Variants in TEX14 observed in about 807,000 individuals in gnomAD.
TEX14 encodes the protein inactive serine/threonine-protein kinase TEX14.
A neutral mutation model predicts 178.6 loss-of-function variants in TEX14; 168 were observed. That is an observed-to-expected ratio of 0.94 (90% CI 0.83 to 1.07). TEX14 has a LOEUF of 1.07. TEX14 is among the 50% of genes least tolerant of loss of function. TEX14 has a pLI of 0.00. For missense variants in TEX14, 1,730 were observed against 1,753.6 expected (o/e 0.99, Z 0.24); for synonymous variants, 626 against 634.1 (o/e 0.99, Z 0.19).
rs1322512372 is a variant in TEX14 at position 58,565,582 on chromosome 17, G to A, written c.3964+165C>T. Among the ~76,000 whole-genome samples the A allele has an allele frequency of 2.0e-5, 3 of 152,178 alleles. No homozygotes were observed. The East Asian group carries it at 5.8e-4, about 29-fold the overall frequency. ...CCCCATTTTACAGATTAAGACGACT[G>A]AGGCTCAGAAACAGTAAAACAGCTT... On this transcript the variant is annotated intron_variant, in intron 27 of 31. Coordinates refer to ENST00000349033, the MANE Select transcript of TEX14 (RefSeq NM_031272.5).
chr17:58,659,127 T>C (rs2047038197), intron 1 of TEX14, among the ~76,000 whole-genome samples: 1 of 150,838 alleles, frequency 6.6e-6, no homozygotes, highest in Non-Finnish European at 1.5e-5. Flanking sequence ...ACAAGCCGTC[T>C]TTTAAACTAG....
intron 5 of TEX14, among the ~76,000 whole-genome samples, chr17:58,618,554 A>G (rs567923026): frequency 6.6e-6 from 1 of 152,242 alleles, no homozygotes; most frequent in Non-Finnish European, 1.5e-5. Flanking sequence ...GTAGGTGCTC[A>G]GTTAATGCTT....
Position 58,569,243 on chromosome 17 carries a change from G to A in TEX14, c.3835C>T (p.His1279Tyr). The change falls in exon 26 of 32, where the codon CAT becomes TAT. Residue 1279 changes from histidine (H) to tyrosine (Y), a missense_variant. Physicochemically the swap from His to Tyr is moderately conservative, Grantham distance 83. Transcript: ENST00000349033. This position sits in a 1 kb window ranked among gnomAD's most constrained non-coding sequence, Gnocchi z 4.1. ...SLPKVEAFSQHHIDELPPPSQ... is the reference protein window; with the variant it reads ...SLPKVEAFSQYHIDELPPPSQ... ...GGTGGTGGCAGCTCATCAATGTGAT[G>A]CTGTGAGAAGGCTTCTACTAGTTTT... 1 of 1,614,020 alleles carries A rather than the reference G, an allele frequency of 6.2e-7. No individual in the cohort carries two copies. The highest frequency in any genetic ancestry group is 1.1e-5 in the South Asian group (1 of 91,070).
intron 28 of TEX14, among the ~76,000 whole-genome samples, chr17:58,563,683 AGAGAGAGAGAGAGAGAGAGC>A (rs1251711297): frequency 0.027 from 2,680 of 99,562 alleles, 86 homozygotes; most frequent in Non-Finnish European, 0.034. Context: ...AGAGAGAGAG[AGAGAGAGAGAGAGAGAGAGC>A]GCAAGATCAT....
At chr17:58,629,590 C>T (rs1598400344) in intron 3 of TEX14, among the ~76,000 whole-genome samples, 1 of 151,884 alleles carries the variant, frequency 6.6e-6, no homozygotes, top group East Asian at 1.9e-4. Context: ...TTTGGGAGGC[C>T]AAGGCGGGCA....
At chr17:58,561,711 C>G in intron 28 of TEX14, 99 bp from the exon 29 acceptor site, 1 of 785,120 alleles carries the variant, frequency 1.3e-6, no homozygotes, top group Non-Finnish European at 2.2e-6. Context: ...ACCTTAAAAC[C>G]TGTGCTTTCA....
At chr17:58,603,887 C>CTGTGTGTG (rs71143257) in intron 11 of TEX14, among the ~76,000 whole-genome samples, 2,842 of 105,200 alleles carry the variant, frequency 0.027, 99 homozygotes, top group East Asian at 0.079. Flanking sequence ...TGTGATTTTA[C>CTGTGTGTG]TGTGTGTGTG....
chr17:58,556,851 G>T lies in TEX14; in HGVS notation c.*160C>A. ...AATGGTTGAATGTGCTGCTAACAGA[G>T]AGGGCCAAACGATGATGTCTATTGT... is the stretch of plus-strand genomic sequence containing the variant. On this transcript the variant is annotated 3_prime_UTR_variant, in exon 32 of 32. Coordinates refer to ENST00000349033, the MANE Select transcript of TEX14 (RefSeq NM_031272.5). 1 of 611,222 alleles carries T rather than the reference G, an allele frequency of 1.6e-6. No homozygotes were observed. Among genetic ancestry groups the T allele is most frequent in the Non-Finnish European group, 3.0e-6 (1 of 337,278 alleles). The allele number at this position is 611,222 out of a possible 1,614,324, so 37.9% of individuals were successfully genotyped here.
In TEX14 at chr17:58,668,083, C is replaced by T. The variant is rs567588717; in HGVS notation, c.-1-16081G>A. On this transcript the variant is annotated intron_variant, in intron 1 of 31. Transcript: ENST00000349033. ...TCAGGTTCCTCATCCTGCACCACCCCCCAGGTGATATCTGATCACCCCAGC... is the reference window on the plus strand; with the variant it reads ...TCAGGTTCCTCATCCTGCACCACCCTCCAGGTGATATCTGATCACCCCAGC... Among the ~76,000 whole-genome samples the T allele has an allele frequency of 3.9e-5, 6 of 152,150 alleles. No individual in the cohort carries two copies. The East Asian group carries it at 9.7e-4, about 25-fold the overall frequency.
chr17:58,582,797 C>T (rs1325319710), intron 19 of TEX14, among the ~76,000 whole-genome samples: 1 of 150,908 alleles, frequency 6.6e-6, no homozygotes, highest in Non-Finnish European at 1.5e-5. Flanking sequence ...CTCCTGACCT[C>T]AAGTGATCCT....
chr17:58,676,751 C>T (rs754838127), intron 1 of TEX14, among the ~76,000 whole-genome samples: 6 of 152,066 alleles, frequency 3.9e-5, no homozygotes, highest in East Asian at 1.9e-4. Flanking sequence ...CTTGAGAGGC[C>T]GAGGTGGGAG....
chr17:58,684,449 C>A (rs1275103470), intron 1 of TEX14, among the ~76,000 whole-genome samples: 3 of 147,656 alleles, frequency 2.0e-5, no homozygotes, highest in African/African-American at 7.5e-5. Context: ...GCAACAAGAG[C>A]GAAACTCCGT....
chr17:58,691,392 G>A (rs970207736), intron 1 of TEX14, among the ~76,000 whole-genome samples: 1 of 151,940 alleles, frequency 6.6e-6, no homozygotes, highest in African/African-American at 2.4e-5. Flanking sequence ...AACAGGGCCG[G>A]GCGCGGTGGC....
chr17:58,596,720 T>TG (rs932248058), intron 14 of TEX14, among the ~76,000 whole-genome samples: 1 of 147,468 alleles, frequency 6.8e-6, no homozygotes, highest in Non-Finnish European at 1.5e-5. Flanking sequence ...CCCATCTCTA[T>TG]GGAAAAAAAA....
intron 26 of TEX14, among the ~76,000 whole-genome samples, chr17:58,567,389 T>C (rs1210600997): frequency 6.6e-6 from 1 of 152,142 alleles, no homozygotes; most frequent in Non-Finnish European, 1.5e-5. Flanking sequence ...GAAGCAGTCC[T>C]ACCTGGCAGC....
At position 58,565,827 on chromosome 17, in the gene TEX14, G is replaced by A. The variant is rs1598342769; in HGVS notation, c.3887-3C>T. 6.2e-7 allele frequency: 1 copy of A among 1,602,692 alleles called. No homozygotes were observed. The highest frequency in any genetic ancestry group is 8.5e-7 in the Non-Finnish European group (1 of 1,174,588). On this transcript the variant is annotated splice_region_variant and splice_polypyrimidine_tract_variant and intron_variant, in intron 26 of 31. Transcript: ENST00000349033. ...GCCCTGCTGCTGTTTCAAGAGCTCT[G>A]TCACAACACAAAAGCCAAAGGAAAC... is the stretch of plus-strand genomic sequence containing the variant.
intron 18 of TEX14, 108 bp downstream of exon 18, chr17:58,585,693 T>A: frequency 1.0e-6 from 1 of 998,104 alleles, no homozygotes; most frequent in Admixed American, 2.3e-5. Flanking sequence ...TGGGCTCAGG[T>A]GATCCGCTCG....
At chr17:58,632,270 T>C (rs573005687) in intron 2 of TEX14, among the ~76,000 whole-genome samples, 2 of 152,314 alleles carry the variant, frequency 1.3e-5, no homozygotes, top group South Asian at 2.1e-4. Context: ...TAGCGCGCCC[T>C]ATTATATTTT....
chr17:58,658,150 G>A (rs1016070764), intron 1 of TEX14, among the ~76,000 whole-genome samples: 2 of 152,132 alleles, frequency 1.3e-5, no homozygotes, highest in Non-Finnish European at 2.9e-5. Flanking sequence ...TCAGTTCCTC[G>A]AATGCTCCAC....
Sources: allele counts gnomAD v4.1 joint callset (sites outside exome capture counted in the v4.1 genomes callset), GRCh38; gene constraint gnomAD v4.1.1; non-coding constraint Gnocchi (gnomAD v3.1); transcripts MANE v1.5; gene names NCBI Gene and HGNC (gene_info 2026-07-23, HGNC 2026-07-21).